Variants in RABGAP1L observed in about 807,000 individuals in gnomAD.
RABGAP1L encodes the protein RAB GTPase activating protein 1 like.
In RABGAP1L, 63 loss-of-function variants were observed where a neutral mutation model predicts 137.7. The ratio of observed to expected loss-of-function variants is 0.46; its 90% CI spans 0.37 to 0.56. The LOEUF (loss-of-function observed/expected upper bound fraction) is 0.56, where lower values mean the gene tolerates loss of function less well. Among genes scored for constraint, RABGAP1L ranks in the 20% least tolerant of loss-of-function variants. The pLI is 0.00. For synonymous variants in RABGAP1L, 431 were observed against 433.7 expected (o/e 0.99, Z 0.08); for missense variants, 1,095 against 1,244.0 (o/e 0.88, Z 1.80).
chr1:174,793,014 C>T (rs554145362), intron 18 of RABGAP1L, among the ~76,000 whole-genome samples: 41 of 152,200 alleles, frequency 2.7e-4, no homozygotes, highest in Admixed American at 1.2e-3. Context: ...CACCTGTAAT[C>T]CCGGCTACTT....
chr1:174,708,783 G>GTTTTGTTTT (rs1290983491), intron 17 of RABGAP1L, among the ~76,000 whole-genome samples: 5 of 152,084 alleles, frequency 3.3e-5, no homozygotes. Flanking sequence ...GTTTTGTTTT[G>GTTTTGTTTT]TTTTTACCCC....
At chr1:174,632,416 T>C (rs1673481039) in intron 13 of RABGAP1L, among the ~76,000 whole-genome samples, 1 of 148,662 alleles carries the variant, frequency 6.7e-6, no homozygotes, top group Non-Finnish European at 1.5e-5. Flanking sequence ...ATTCTCTGTA[T>C]TTCCTGAATC....
intron 18 of RABGAP1L, among the ~76,000 whole-genome samples, chr1:174,767,441 C>T (rs1029903234): frequency 1.3e-5 from 2 of 151,890 alleles, no homozygotes; most frequent in Non-Finnish European, 2.9e-5. Flanking sequence ...TTTTATTCTG[C>T]TTGATGCTAT....
At chr1:174,762,495 T>C (rs1685306250) in intron 18 of RABGAP1L, among the ~76,000 whole-genome samples, 1 of 152,242 alleles carries the variant, frequency 6.6e-6, no homozygotes, top group Non-Finnish European at 1.5e-5. Context: ...GGTTAGACAG[T>C]GAAAACACAG....
intron 20 of RABGAP1L, among the ~76,000 whole-genome samples, chr1:174,968,509 T>TTTTTC (rs1669842526): frequency 6.6e-6 from 1 of 151,744 alleles, no homozygotes; most frequent in African/African-American, 2.4e-5. Flanking sequence ...GGTTTTTTTT[T>TTTTTC]TTTCTTTCTT....
intron 13 of RABGAP1L, among the ~76,000 whole-genome samples, chr1:174,635,437 G>T (rs1673925146): frequency 1.3e-5 from 2 of 152,126 alleles, no homozygotes; most frequent in Admixed American, 1.3e-4. Flanking sequence ...TGGTTTGCCT[G>T]GTTACCAGAT....
At chr1:174,710,541 T>G (rs903280551) in intron 17 of RABGAP1L, among the ~76,000 whole-genome samples, 7 of 152,078 alleles carry the variant, frequency 4.6e-5, no homozygotes, top group African/African-American at 1.4e-4. Context: ...TTAAAGAAAA[T>G]AATTTTCAAC....
At chr1:174,656,126 A>G (rs982754702) in intron 14 of RABGAP1L, among the ~76,000 whole-genome samples, 3 of 151,592 alleles carry the variant, frequency 2.0e-5, no homozygotes, top group African/African-American at 7.3e-5. Context: ...ATTTTTTTTT[A>G]TTAATACATA....
chr1:174,737,740 A>G (rs1006269796), intron 17 of RABGAP1L, among the ~76,000 whole-genome samples: 1 of 152,232 alleles, frequency 6.6e-6, no homozygotes, highest in Non-Finnish European at 1.5e-5. Flanking sequence ...TGTTTCTGCA[A>G]GCTGTACAGG....
intron 13 of RABGAP1L, among the ~76,000 whole-genome samples, chr1:174,589,970 C>G (rs538544490): frequency 3.3e-5 from 5 of 151,934 alleles, no homozygotes; most frequent in African/African-American, 1.2e-4. Flanking sequence ...TCAAAATTTA[C>G]GATTATTTAT....
chr1:174,247,711 C>T (rs546557997), intron 5 of RABGAP1L, among the ~76,000 whole-genome samples: 1 of 152,262 alleles, frequency 6.6e-6, no homozygotes, highest in African/African-American at 2.4e-5. Context: ...GGTGGGAGGG[C>T]CAGCTTTTTC....
chr1:174,615,588 A>C (rs1405948324), intron 13 of RABGAP1L, among the ~76,000 whole-genome samples: 1 of 152,198 alleles, frequency 6.6e-6, no homozygotes, highest in Non-Finnish European at 1.5e-5. Flanking sequence ...GTGCTGAGAG[A>C]ACCACTGCTG....
intron 16 of RABGAP1L, among the ~76,000 whole-genome samples, chr1:174,699,943 A>G (rs912025220): frequency 2.6e-5 from 4 of 152,158 alleles, no homozygotes; most frequent in Non-Finnish European, 4.4e-5. Flanking sequence ...TTGTAGAGGA[A>G]TGGAGATATT....
chr1:174,649,314 G>C (rs2148382805), intron 14 of RABGAP1L, among the ~76,000 whole-genome samples: 1 of 152,108 alleles, frequency 6.6e-6, no homozygotes, highest in African/African-American at 2.4e-5. Flanking sequence ...TTTACAATTT[G>C]GTATGTTTTT....
At chr1:174,432,823 A>C (rs904429164) in intron 13 of RABGAP1L, among the ~76,000 whole-genome samples, 4 of 152,218 alleles carry the variant, frequency 2.6e-5, no homozygotes, top group Non-Finnish European at 4.4e-5. Flanking sequence ...GGCGTGAGCC[A>C]CTGTGCCTGG....
intron 17 of RABGAP1L, among the ~76,000 whole-genome samples, chr1:174,725,703 G>T (rs539036817): frequency 1.3e-5 from 2 of 152,224 alleles, no homozygotes; most frequent in African/African-American, 4.8e-5. Flanking sequence ...CTGGCTTGCT[G>T]GGTCAAAGAA....
At chr1:174,858,474 G>A (rs1649684859) in intron 19 of RABGAP1L, among the ~76,000 whole-genome samples, 1 of 152,140 alleles carries the variant, frequency 6.6e-6, no homozygotes, top group African/African-American at 2.4e-5. Context: ...ATTGTGCAAA[G>A]CATCTTTAAA....
chr1:174,291,618 G>A (rs1333373560), intron 10 of RABGAP1L, among the ~76,000 whole-genome samples: 13 of 151,982 alleles, frequency 8.6e-5, no homozygotes, highest in South Asian at 4.1e-4. Flanking sequence ...TTTAAATCAC[G>A]AATTTAATTT....
At chr1:174,787,801 G>C (rs896774269) in intron 18 of RABGAP1L, among the ~76,000 whole-genome samples, 1 of 152,148 alleles carries the variant, frequency 6.6e-6, no homozygotes, top group Non-Finnish European at 1.5e-5. Context: ...GAATAGTCTG[G>C]GGGAGAAATA....
Sources: allele counts gnomAD v4.1 joint callset (sites outside exome capture counted in the v4.1 genomes callset), GRCh38; gene constraint gnomAD v4.1.1; transcripts MANE v1.5; gene names NCBI Gene and HGNC (gene_info 2026-07-23, HGNC 2026-07-21).